The following IGSF21 variants were observed in gnomAD, a reference collection of about 807,000 sequenced individuals.
IGSF21 encodes immunoglobin superfamily member 21.
A neutral mutation model predicts 46.8 loss-of-function variants in IGSF21; 28 were observed. The ratio of observed to expected loss-of-function variants is 0.60; its 90% CI spans 0.44 to 0.82. The LOEUF is 0.82. Ranked by LOEUF, IGSF21 falls within the 40% of genes least tolerant of loss-of-function variation. IGSF21 has a pLI of 0.00. For synonymous variants in IGSF21, 284 were observed against 273.6 expected, an observed-to-expected ratio of 1.04 and a Z score of -0.38; for missense variants, 624 against 665.5, an observed-to-expected ratio of 0.94 and a Z score of 0.69.
chr1:18,230,353 A>C (rs191470973), intron 2 of IGSF21, among the ~76,000 whole-genome samples: 1 of 152,274 alleles, frequency 6.6e-6, no homozygotes, highest in East Asian at 1.9e-4. Context: ...TTTAAGAATC[A>C]GTGGCATCTC....
At chr1:18,170,112 G>T (rs1570294322) in intron 1 of IGSF21, among the ~76,000 whole-genome samples, 1 of 152,314 alleles carries the variant, frequency 6.6e-6, no homozygotes, top group East Asian at 1.9e-4. Flanking sequence ...TTGTGGAGAA[G>T]GTAAGGAGGG....
At chr1:18,274,481 G>A (rs2085081061) in intron 2 of IGSF21, among the ~76,000 whole-genome samples, 1 of 152,252 alleles carries the variant, frequency 6.6e-6, no homozygotes, top group Non-Finnish European at 1.5e-5. Context: ...CCTAACTCTG[G>A]CCCATTGGCC....
At chr1:18,167,841 C>G (rs969941463) in intron 1 of IGSF21, 2 of 152,212 alleles carry the variant, frequency 1.3e-5, no homozygotes, top group Non-Finnish European at 2.9e-5. Context: ...CCAGGGCACT[C>G]TCAGGTTCCC....
chr1:18,161,065 C>T (rs1252824721), intron 1 of IGSF21, among the ~76,000 whole-genome samples: 1 of 152,114 alleles, frequency 6.6e-6, no homozygotes, highest in Non-Finnish European at 1.5e-5. Flanking sequence ...TCTCTTGGGC[C>T]AGAGTTTGGC....
intron 4 of IGSF21, among the ~76,000 whole-genome samples, chr1:18,360,962 T>C (rs551663636): frequency 7.0e-6 from 1 of 142,606 alleles, no homozygotes; most frequent in African/African-American, 2.5e-5. Flanking sequence ...TCCCTGCCCC[T>C]TGCGATGCCC....
intron 2 of IGSF21, among the ~76,000 whole-genome samples, chr1:18,230,464 C>T (rs1001720090): frequency 6.6e-5 from 10 of 152,118 alleles, no homozygotes; most frequent in Middle Eastern, 3.2e-3. Context: ...CTGGAGCAGG[C>T]ATATGCAGAT....
chr1:18,347,287 G>T (rs2085903822), intron 4 of IGSF21, among the ~76,000 whole-genome samples: 1 of 152,164 alleles, frequency 6.6e-6, no homozygotes, highest in South Asian at 2.1e-4. Flanking sequence ...AGCCTGCAGG[G>T]CAGAGCCTGT....
chr1:18,141,840 G>A (rs545624705), intron 1 of IGSF21, among the ~76,000 whole-genome samples: 10 of 152,214 alleles, frequency 6.6e-5, no homozygotes, highest in East Asian at 1.9e-4. Flanking sequence ...AGGCCAAGGC[G>A]AGCCGATTGC....
intron 1 of IGSF21, among the ~76,000 whole-genome samples, chr1:18,137,654 G>C (rs909403709): frequency 6.6e-6 from 1 of 152,140 alleles, no homozygotes; most frequent in Non-Finnish European, 1.5e-5. Context: ...TGGAGACATA[G>C]AGAAAGTTCA....
At chr1:18,345,740 TG>T (rs59249612) in intron 4 of IGSF21, among the ~76,000 whole-genome samples, 1,610 of 152,316 alleles carry the variant, frequency 0.011, 25 homozygotes, top group African/African-American at 0.036. Context: ...GCTTAACACC[TG>T]CTATATCATT....
At chr1:18,129,075 G>A (rs976453591) in intron 1 of IGSF21, among the ~76,000 whole-genome samples, 3 of 152,272 alleles carry the variant, frequency 2.0e-5, no homozygotes, top group South Asian at 2.1e-4. Context: ...CCGTGCATCC[G>A]TTTTGTAGCA....
chr1:18,207,712 G>A (rs114466574), intron 1 of IGSF21, among the ~76,000 whole-genome samples: 372 of 152,330 alleles, frequency 2.4e-3, no homozygotes, highest in African/African-American at 8.4e-3. Flanking sequence ...AAATGCAAGG[G>A]AGCTCAGTGC....
At chr1:18,148,782 A>C (rs1194758861) in intron 1 of IGSF21, among the ~76,000 whole-genome samples, 1 of 152,232 alleles carries the variant, frequency 6.6e-6, no homozygotes, top group Non-Finnish European at 1.5e-5. Flanking sequence ...TTCATTGCTC[A>C]GAAGACACAG....
At chr1:18,249,207 C>T (rs566345486) in intron 2 of IGSF21, among the ~76,000 whole-genome samples, 184 of 152,246 alleles carry the variant, frequency 1.2e-3, no homozygotes, top group African/African-American at 4.0e-3. Context: ...AGAGGAGCAG[C>T]ATGGTCTTAT....
Position 18,289,990 on chromosome 1 carries a change from A to G in IGSF21, c.184-1876A>G, listed in dbSNP as rs189048611. Among the ~76,000 whole-genome samples, 89 of 152,170 alleles carry G rather than the reference A, an allele frequency of 5.8e-4. No homozygotes were observed. In the South Asian group the frequency reaches 0.014, roughly 24 times the overall value. Reference sequence around the variant, plus strand: ...GGCTGGGACATTGGGATGTGGGGAGATGGAAGCTCTGATCCCAAGTACAGC... The same window carrying G: ...GGCTGGGACATTGGGATGTGGGGAGGTGGAAGCTCTGATCCCAAGTACAGC... On this transcript the variant is annotated intron_variant, in intron 2 of 9. Transcript: ENST00000251296.
chr1:18,286,722 G>A (rs534661628), intron 2 of IGSF21, among the ~76,000 whole-genome samples: 13 of 152,148 alleles, frequency 8.5e-5, no homozygotes, highest in South Asian at 4.1e-4. Context: ...AGTCTGTATC[G>A]CAGAGCAGCA....
chr1:18,138,346 C>T (rs1337316163), intron 1 of IGSF21, among the ~76,000 whole-genome samples: 1 of 152,192 alleles, frequency 6.6e-6, no homozygotes, highest in Non-Finnish European at 1.5e-5. Flanking sequence ...GAGAAGTAAG[C>T]AGGGACCAGT....
At chr1:18,355,436 T>C (rs1260969235) in intron 4 of IGSF21, among the ~76,000 whole-genome samples, 1 of 152,184 alleles carries the variant, frequency 6.6e-6, no homozygotes. Flanking sequence ...CGATGTTAAC[T>C]GTTGAGTCTA....
chr1:18,343,122 A>G (rs1376539570), intron 4 of IGSF21, among the ~76,000 whole-genome samples: 1 of 152,176 alleles, frequency 6.6e-6, no homozygotes. Context: ...TTTTGAATAT[A>G]GCCATCCTAG....
Sources: allele counts gnomAD v4.1 joint callset (sites outside exome capture counted in the v4.1 genomes callset), GRCh38; gene constraint gnomAD v4.1.1; transcripts MANE v1.5; gene names NCBI Gene and HGNC (gene_info 2026-07-23, HGNC 2026-07-21).